The following FAT3 variants were observed in gnomAD, a reference collection of about 807,000 sequenced individuals.
FAT3 encodes the protein protocadherin Fat 3.
A neutral mutation model predicts 310.2 loss-of-function variants in FAT3; 95 were observed. The observed-to-expected ratio is 0.31, with a 90% CI of 0.26 to 0.36. The LOEUF (loss-of-function observed/expected upper bound fraction) is 0.36. Among genes scored for constraint, FAT3 ranks in the 10% least tolerant of loss-of-function variants. FAT3 has a pLI of 1.00. For missense variants in FAT3, 5,408 were observed against 5,715.6 expected (o/e 0.95, Z 1.74); for synonymous variants, 2,314 against 2,192.9 (o/e 1.06, Z -1.54).
At chr11:92,278,675 A>G (rs917595716) in intron 1 of FAT3, among the ~76,000 whole-genome samples, 2 of 152,172 alleles carry the variant, frequency 1.3e-5, no homozygotes, top group African/African-American at 4.8e-5. Flanking sequence ...TGTCAAAATA[A>G]ATAGAAGAAT....
intron 13 of FAT3, among the ~76,000 whole-genome samples, chr11:92,828,380 A>C (rs961781760): frequency 1.3e-5 from 2 of 152,160 alleles, no homozygotes; most frequent in Non-Finnish European, 2.9e-5. Context: ...TGGAGGTTTA[A>C]TATGCTACAA....
chr11:92,798,685 T>G lies in FAT3; in HGVS notation c.5672T>G (p.Ile1891Ser), dbSNP rs761302867. 4 of 1,613,772 alleles carry G rather than the reference T, an allele frequency of 2.5e-6. No individual in the cohort carries two copies. In the South Asian group the frequency reaches 4.4e-5, roughly 18 times the overall value. The change falls in exon 10 of 28, where the codon ATC (isoleucine) becomes AGC (serine). Residue 1891 changes from isoleucine to serine, a missense_variant. By Grantham distance (142) the Ile-to-Ser change is moderately radical (BLOSUM62 -2). Coordinates refer to ENST00000525166, the MANE Select transcript of FAT3 (RefSeq NM_001367949.2). ...PVFTQAVFET[I>S]LLLPTYVGVE... ...TTTACTCAGGCTGTGTTTGAGACTA[T>G]CTTACTTCTACCTACCTATGTTGGA... is the stretch of plus-strand genomic sequence containing the variant.
At chr11:92,372,683 C>T (rs772002206) in intron 2 of FAT3, among the ~76,000 whole-genome samples, 42 of 151,482 alleles carry the variant, frequency 2.8e-4, no homozygotes, top group African/African-American at 5.8e-4. Flanking sequence ...TTTTCTGAGA[C>T]GGAATCTCAC....
chr11:92,841,931 C>G (rs954126519), intron 18 of FAT3, among the ~76,000 whole-genome samples: 4 of 152,176 alleles, frequency 2.6e-5, no homozygotes, highest in African/African-American at 9.7e-5. Context: ...TTCACCCCTC[C>G]CATATTAATC....
At chr11:92,583,064 G>A (rs142941298) in intron 3 of FAT3, among the ~76,000 whole-genome samples, 207 of 147,562 alleles carry the variant, frequency 1.4e-3, no homozygotes, top group South Asian at 4.8e-3. Flanking sequence ...AATTAAATTA[G>A]CACTTTGCAG....
rs767666873 is a variant in FAT3 at position 92,801,186 on chromosome 11, A to G, written c.8173A>G (p.Ser2725Gly). 6.2e-7 allele frequency: 1 copy of G among 1,613,896 alleles called. No individual in the cohort carries two copies. Among genetic ancestry groups the G allele is most frequent in the Non-Finnish European group, 8.5e-7 (1 of 1,179,870 alleles). The change falls in exon 10 of 28, where the codon AGT becomes GGT. Residue 2725 changes from serine (S) to glycine (G), a missense_variant. Transcript: ENST00000525166. ...CATTGCAGAAGATACAGCCATTGGG[A>G]GTACAGTGGACACCCTGAGGATTTT... ...FTIAEDTAIG[S>G]TVDTLRILPS...
intron 2 of FAT3, among the ~76,000 whole-genome samples, chr11:92,431,728 A>G (rs992445339): frequency 1.3e-5 from 2 of 151,722 alleles, no homozygotes; most frequent in East Asian, 3.9e-4. Context: ...CTTTCTACAT[A>G]TGGCTAGCAC....
At chr11:92,368,911 T>C (rs11019930) in intron 2 of FAT3, among the ~76,000 whole-genome samples, 109 of 124,490 alleles carry the variant, frequency 8.8e-4, no homozygotes, top group South Asian at 8.5e-3. Context: ...CATATATATA[T>C]ACACATATAT....
At chr11:92,751,392 A>G (rs1212869352) in intron 4 of FAT3, among the ~76,000 whole-genome samples, 1 of 152,250 alleles carries the variant, frequency 6.6e-6, no homozygotes, top group South Asian at 2.1e-4. Flanking sequence ...AATAAGACGT[A>G]GAGAGAAACC....
chr11:92,420,223 T>C (rs1452985635), intron 2 of FAT3, among the ~76,000 whole-genome samples: 1 of 152,230 alleles, frequency 6.6e-6, no homozygotes, highest in East Asian at 1.9e-4. Context: ...TTTGCTGACT[T>C]CTGCCTTAGA....
chr11:92,699,460 A>T (rs1384445959), intron 4 of FAT3, among the ~76,000 whole-genome samples: 1 of 152,218 alleles, frequency 6.6e-6, no homozygotes, highest in African/African-American at 2.4e-5. Flanking sequence ...TATCACATGT[A>T]CCTTGAAACT....
At chr11:92,558,516 C>T (rs975400755) in intron 3 of FAT3, among the ~76,000 whole-genome samples, 1 of 151,994 alleles carries the variant, frequency 6.6e-6, no homozygotes, top group African/African-American at 2.4e-5. Context: ...TCCAATTTAT[C>T]TCTGGCACTG....
chr11:92,416,274 C>G (rs1436272432), intron 2 of FAT3, among the ~76,000 whole-genome samples: 1 of 149,586 alleles, frequency 6.7e-6, no homozygotes, highest in Admixed American at 6.7e-5. Flanking sequence ...ACCCCAGCTA[C>G]TCGGGAGGCT....
intron 1 of FAT3, among the ~76,000 whole-genome samples, chr11:92,236,776 T>C (rs897867669): frequency 4.6e-5 from 7 of 152,204 alleles, no homozygotes; most frequent in Admixed American, 6.6e-5. Flanking sequence ...GGATCTTGGG[T>C]AGGAAAAGGG....
At chr11:92,495,580 A>G (rs544731972) in intron 2 of FAT3, among the ~76,000 whole-genome samples, 164 of 152,198 alleles carry the variant, frequency 1.1e-3, no homozygotes, top group African/African-American at 3.8e-3. Flanking sequence ...TTGTTTACTG[A>G]GACACCTAGA....
chr11:92,244,323 C>T (rs1167055315), intron 1 of FAT3, among the ~76,000 whole-genome samples: 6 of 151,992 alleles, frequency 3.9e-5, no homozygotes, highest in South Asian at 4.2e-4. Flanking sequence ...CATAAAAATC[C>T]GGACTCCCAG....
chr11:92,636,999 C>T (rs1941789346), intron 3 of FAT3, among the ~76,000 whole-genome samples: 1 of 152,188 alleles, frequency 6.6e-6, no homozygotes, highest in African/African-American at 2.4e-5. Flanking sequence ...CCTTCATCCT[C>T]CTCCAACTTG....
intron 2 of FAT3, among the ~76,000 whole-genome samples, chr11:92,474,168 C>T (rs1951987026): frequency 6.6e-6 from 1 of 152,168 alleles, no homozygotes; most frequent in Admixed American, 6.6e-5. Flanking sequence ...TCTGGTGGTT[C>T]CCATTTCAGA....
intron 2 of FAT3, among the ~76,000 whole-genome samples, chr11:92,368,845 T>TATATATATATATATATATACATAC (rs1196442457): frequency 1.0e-4 from 15 of 145,892 alleles, no homozygotes; most frequent in African/African-American, 3.7e-4. Flanking sequence ...TATATATATA[T>TATATATATATATATATATACATAC]ATACACACAT....
Sources: gnomAD v4.1 joint callset for allele counts (sites outside exome capture counted in the v4.1 genomes callset) on GRCh38, gnomAD v4.1.1 for gene constraint, MANE v1.5 for transcripts, NCBI Gene and HGNC (gene_info 2026-07-23, HGNC 2026-07-21) for gene names.